SH3GL3: variants seen among roughly 807,000 people sequenced by gnomAD.
The protein encoded by SH3GL3 is endophilin-A3.
SH3GL3 carries 33 observed loss-of-function variants against 47.7 expected under a neutral mutation model. The ratio of observed to expected loss-of-function variants is 0.69; its 90% CI spans 0.52 to 0.92. The LOEUF (loss-of-function observed/expected upper bound fraction) is 0.92, where lower values mean the gene tolerates loss of function less well. Ranked by LOEUF, SH3GL3 falls within the 40% of genes least tolerant of loss-of-function variation. The pLI is 0.00. For missense variants in SH3GL3, 363 were observed against 417.8 expected (o/e 0.87, Z 1.14); for synonymous variants, 155 against 148.8 (o/e 1.04, Z -0.30).
chr15:83,530,573 A>T (rs914250954), intron 1 of SH3GL3, among the ~76,000 whole-genome samples: 30 of 148,912 alleles, frequency 2.0e-4, no homozygotes, highest in Non-Finnish European at 4.4e-5. Context: ...AGATACCTCT[A>T]GTCAGTCATT....
chr15:83,558,840 C>T (rs2045099760), intron 1 of SH3GL3, among the ~76,000 whole-genome samples: 1 of 152,228 alleles, frequency 6.6e-6, no homozygotes. Flanking sequence ...CTGTGCATCA[C>T]TGAAGTGACT....
At chr15:83,449,629 A>C (rs1402450780) in intron 1 of SH3GL3, among the ~76,000 whole-genome samples, 3 of 152,226 alleles carry the variant, frequency 2.0e-5, no homozygotes, top group African/African-American at 7.2e-5. Context: ...GCACTGGAGA[A>C]ATATTTTGCT....
chr15:83,623,688 A>G (rs1430161180), downstream of SH3GL3, among the ~76,000 whole-genome samples: 1 of 152,248 alleles, frequency 6.6e-6, no homozygotes, highest in Admixed American at 6.5e-5. Context: ...CAGTTCTAAT[A>G]TGAATAGCCA....
At chr15:83,496,372 G>GA (rs777260905) in intron 1 of SH3GL3, among the ~76,000 whole-genome samples, 27,294 of 131,084 alleles carry the variant, frequency 0.21, 2,837 homozygotes, top group South Asian at 0.49. Flanking sequence ...AAAAAAAAAA[G>GA]AAAAAAAAAA....
chr15:83,484,902 C>G (rs2041526165), intron 1 of SH3GL3, among the ~76,000 whole-genome samples: 1 of 152,140 alleles, frequency 6.6e-6, no homozygotes, highest in Admixed American at 6.6e-5. Flanking sequence ...CTGTTGCGAA[C>G]AACAATGTGT....
chr15:83,616,997 A>T (rs1468850140), intron 8 of SH3GL3, among the ~76,000 whole-genome samples: 2 of 152,232 alleles, frequency 1.3e-5, no homozygotes, highest in East Asian at 3.8e-4. Context: ...TCTTTTATGA[A>T]AACAACTATA....
intron 8 of SH3GL3, among the ~76,000 whole-genome samples, chr15:83,610,367 C>T (rs967961392): frequency 6.6e-6 from 1 of 152,000 alleles, no homozygotes; most frequent in Non-Finnish European, 1.5e-5. Flanking sequence ...TGAGACCCCA[C>T]CTCTATAGAA....
At position 83,607,713 on chromosome 15, in the gene SH3GL3, T is replaced by G. The variant is rs11854713; in HGVS notation, c.839-10369T>G. 4.0e-3 allele frequency among the ~76,000 whole-genome samples: 610 copies of G among 152,146 alleles called. 5 individuals carry two copies. Among genetic ancestry groups the G allele is most frequent in the African/African-American group, 0.014 (578 of 41,498 alleles). On this transcript the variant is annotated intron_variant, in intron 8 of 8. Coordinates refer to ENST00000427482, the MANE Select transcript of SH3GL3 (RefSeq NM_003027.5). ...TTTAGATGTTGGCAACTAATCCACA[T>G]TGTAAAAAAGCAAGGAGCAGGCCAG...
At chr15:83,478,999 T>A (rs1259685070) in intron 1 of SH3GL3, among the ~76,000 whole-genome samples, 1 of 152,218 alleles carries the variant, frequency 6.6e-6, no homozygotes, top group Non-Finnish European at 1.5e-5. Flanking sequence ...CTTCTCTGGG[T>A]TCCTGGGGAG....
At chr15:83,622,717 T>G (rs1177243402), downstream of SH3GL3, among the ~76,000 whole-genome samples, 1 of 152,254 alleles carries the variant, frequency 6.6e-6, no homozygotes, top group African/African-American at 2.4e-5. Flanking sequence ...CTACAGAGTC[T>G]GCATCCAGAT....
At chr15:83,559,430 T>G in intron 2 of SH3GL3, 109 bp downstream of exon 2, 1 of 710,646 alleles carries the variant, frequency 1.4e-6, no homozygotes, top group Non-Finnish European at 2.5e-6. Context: ...TGTTTAAATA[T>G]AGGTGTGGAT....
At chr15:83,563,670 G>T (rs1342784334) in intron 2 of SH3GL3, among the ~76,000 whole-genome samples, 2 of 151,586 alleles carry the variant, frequency 1.3e-5, no homozygotes, top group Admixed American at 1.3e-4. Flanking sequence ...ATGGAGTCTC[G>T]CTCTGTTGCC....
Position 83,447,580 on chromosome 15 carries a change from TAGGGAGGCGCAGAGG to T in SH3GL3, c.45+8_45+22del, listed in dbSNP as rs777565549. 3 of 1,501,590 alleles carry T rather than the reference TAGGGAGGCGCAGAGG, an allele frequency of 2.0e-6. No individual in the cohort carries two copies. The South Asian group carries it at 3.8e-5, about 19-fold the overall frequency. The allele number at this position is 1,501,590 out of a possible 1,614,324, so 93.0% of individuals were successfully genotyped here. A position where few individuals can be genotyped will look rare whatever the true frequency, so the allele number is the denominator to read the frequency against. The stretch of plus-strand genomic sequence containing the variant: ...AAGCAGTTCCACAAAGCCAGCCAGG[TAGGGAGGCGCAGAGG>T]AGGGAAGGAGGGAGGGGGACGCGGA... On this transcript the variant is annotated splice_donor_5th_base_variant and intron_variant, in intron 1 of 8. Coordinates refer to ENST00000427482, the MANE Select transcript of SH3GL3 (RefSeq NM_003027.5). The surrounding 1 kb of genome is among the most constrained non-coding windows in gnomAD (Gnocchi z 5.1).
intron 1 of SH3GL3, among the ~76,000 whole-genome samples, chr15:83,504,708 C>T (rs1467851609): frequency 6.6e-6 from 1 of 152,174 alleles, no homozygotes; most frequent in African/African-American, 2.4e-5. Flanking sequence ...GCAGCCCTGG[C>T]CCACAGCTTA....
intron 1 of SH3GL3, among the ~76,000 whole-genome samples, chr15:83,484,948 A>G (rs1596076379): frequency 6.6e-6 from 1 of 152,242 alleles, no homozygotes. Flanking sequence ...AAGTGTTTAA[A>G]TATTAAAATG....
chr15:83,610,980 A>AAAAAAAAT (rs71453206), intron 8 of SH3GL3, among the ~76,000 whole-genome samples: 3 of 147,016 alleles, frequency 2.0e-5, no homozygotes, highest in African/African-American at 7.5e-5. Flanking sequence ...TCAGCCAAAA[A>AAAAAAAAT]ATATATATAT....
At chr15:83,565,487 A>G (rs1369602373) in intron 3 of SH3GL3, 4 of 307,542 alleles carry the variant, frequency 1.3e-5, no homozygotes, top group African/African-American at 8.7e-5. Context: ...GAGTTGCTTC[A>G]GAAAGCCACT....
At chr15:83,566,255 G>C (rs1341854373) in intron 3 of SH3GL3, among the ~76,000 whole-genome samples, 1 of 152,090 alleles carries the variant, frequency 6.6e-6, no homozygotes, top group Non-Finnish European at 1.5e-5. Context: ...CTAGAGAAGA[G>C]GCAGCCCTAG....
intron 1 of SH3GL3, among the ~76,000 whole-genome samples, chr15:83,526,396 A>C (rs2043422115): frequency 6.6e-6 from 1 of 152,258 alleles, no homozygotes; most frequent in Non-Finnish European, 1.5e-5. Context: ...TTGCAATAGC[A>C]AAGGCATGGA....
Sources: allele counts gnomAD v4.1 joint callset (sites outside exome capture counted in the v4.1 genomes callset), GRCh38; gene constraint gnomAD v4.1.1; non-coding constraint Gnocchi (gnomAD v3.1); transcripts MANE v1.5; gene names NCBI Gene and HGNC (gene_info 2026-07-23, HGNC 2026-07-21).